Variants in NGF observed in about 807,000 individuals in gnomAD.
NGF encodes nerve growth factor, also known as beta-nerve growth factor.
In NGF, 4 loss-of-function variants were observed where a neutral mutation model predicts 12.8. The ratio of observed to expected loss-of-function variants is 0.31; its 90% confidence interval spans 0.15 to 0.72. The LOEUF (loss-of-function observed/expected upper bound fraction) is 0.72, where lower values mean the gene tolerates loss of function less well. NGF is among the 30% of genes least tolerant of loss of function. NGF has a pLI of 0.69. For missense variants in NGF, 283 were observed against 330.8 expected (o/e 0.86, Z 1.12); for synonymous variants, 140 against 130.0 (o/e 1.08, Z -0.52).
chr1:115,317,889 A>G (rs867969816), intron 1 of NGF, among the ~76,000 whole-genome samples: 22 of 152,240 alleles, frequency 1.4e-4, no homozygotes, highest in Non-Finnish European at 3.1e-4. Context: ...AAGTATTTCA[A>G]TGTTAATAAG....
chr1:115,331,123 T>A (rs1039595291), intron 1 of NGF, among the ~76,000 whole-genome samples: 2 of 152,210 alleles, frequency 1.3e-5, no homozygotes, highest in Admixed American at 1.3e-4. Context: ...GGCCTCAGCT[T>A]ACTGGGCATT....
chr1:115,325,114 A>C (rs1654737679), intron 1 of NGF, among the ~76,000 whole-genome samples: 1 of 152,200 alleles, frequency 6.6e-6, no homozygotes, highest in Non-Finnish European at 1.5e-5. Context: ...CAGACCTAAA[A>C]ATGTCGATCA....
chr1:115,330,584 C>T (rs1296808846), intron 1 of NGF, among the ~76,000 whole-genome samples: 3 of 152,138 alleles, frequency 2.0e-5, no homozygotes, highest in Non-Finnish European at 2.9e-5. Flanking sequence ...TACATCTCCA[C>T]CCTGGTTTGG....
chr1:115,312,970 A>G (rs1034343680), intron 1 of NGF, among the ~76,000 whole-genome samples: 6 of 152,212 alleles, frequency 3.9e-5, no homozygotes, highest in African/African-American at 1.4e-4. Flanking sequence ...AGGATTTGGT[A>G]ACATTTATTT....
At chr1:115,317,692 T>A (rs1190382355) in intron 1 of NGF, among the ~76,000 whole-genome samples, 1 of 152,150 alleles carries the variant, frequency 6.6e-6, no homozygotes, top group Non-Finnish European at 1.5e-5. Flanking sequence ...GCGGCCAAGC[T>A]ACAGTCAGGA....
intron 2 of NGF, among the ~76,000 whole-genome samples, chr1:115,291,375 A>G (rs1265794625): frequency 6.6e-6 from 1 of 152,074 alleles, no homozygotes. Flanking sequence ...AGTTTTATTT[A>G]TTTATTTTTT....
chr1:115,327,184 G>T (rs568397548), intron 1 of NGF, among the ~76,000 whole-genome samples: 6 of 152,134 alleles, frequency 3.9e-5, no homozygotes, highest in Admixed American at 2.6e-4. Flanking sequence ...GTTCATAGTC[G>T]TTTAAGAAGT....
chr1:115,332,505 C>T (rs1654949509), intron 1 of NGF, among the ~76,000 whole-genome samples: 1 of 131,538 alleles, frequency 7.6e-6, no homozygotes, highest in Non-Finnish European at 1.5e-5. Context: ...AGATGTTATC[C>T]TACCTGAAAT....
intron 1 of NGF, among the ~76,000 whole-genome samples, chr1:115,310,935 T>C (rs751740382): frequency 1.3e-5 from 2 of 152,022 alleles, no homozygotes; most frequent in Non-Finnish European, 1.5e-5. Flanking sequence ...ACCACAGATA[T>C]TTAATACATG....
chr1:115,321,576 ATGTGTGTG>A (rs59590858), intron 1 of NGF, among the ~76,000 whole-genome samples: 27,892 of 132,970 alleles, frequency 0.21, 2,973 homozygotes, highest in East Asian at 0.32. Flanking sequence ...TGTGTATGGG[ATGTGTGTG>A]TGTGTGTGTG....
intron 1 of NGF, among the ~76,000 whole-genome samples, chr1:115,318,480 G>T (rs1212664830): frequency 6.6e-6 from 1 of 152,164 alleles, no homozygotes; most frequent in African/African-American, 2.4e-5. Context: ...GTGCCGACAG[G>T]CCACAGCATA....
At chr1:115,337,770 T>TC (rs1341967764) in intron 1 of NGF, among the ~76,000 whole-genome samples, 2 of 151,872 alleles carry the variant, frequency 1.3e-5, no homozygotes, top group African/African-American at 2.4e-5. Flanking sequence ...CGCTCTGCGC[T>TC]CCCCCCGCGG....
intron 1 of NGF, among the ~76,000 whole-genome samples, chr1:115,329,541 A>T (rs1257117624): frequency 2.0e-5 from 3 of 152,162 alleles, no homozygotes; most frequent in African/African-American, 7.2e-5. Flanking sequence ...ATTTTCCATC[A>T]TGAGCCAGTT....
intron 1 of NGF, among the ~76,000 whole-genome samples, chr1:115,316,081 A>G (rs1348888929): frequency 2.6e-5 from 4 of 152,178 alleles, no homozygotes; most frequent in Non-Finnish European, 5.9e-5. Flanking sequence ...AGCGGGAGTC[A>G]ATGTCATTAT....
At chr1:115,294,348 T>C (rs1198207406) in intron 1 of NGF, among the ~76,000 whole-genome samples, 1 of 152,212 alleles carries the variant, frequency 6.6e-6, no homozygotes, top group Non-Finnish European at 1.5e-5. Flanking sequence ...GATACAATTT[T>C]AAAAAATCAA....
intron 1 of NGF, among the ~76,000 whole-genome samples, chr1:115,319,869 C>A (rs541718787): frequency 6.6e-6 from 1 of 152,302 alleles, no homozygotes; most frequent in South Asian, 2.1e-4. Flanking sequence ...GACTTGAGAT[C>A]TGCCTGGCCA....
chr1:115,337,256 GTTTTGT>G lies in NGF; in HGVS notation c.-137+942_-137+947del, dbSNP rs1242162738. Among the ~76,000 whole-genome samples the G allele has an allele frequency of 1.3e-3, 34 of 27,190 alleles. 1 individual carries two copies. Among genetic ancestry groups the G allele is most frequent in the African/African-American group, 3.8e-3 (23 of 5,992 alleles). The allele number at this position is 27,190 out of a possible 152,430, so 17.8% of individuals were successfully genotyped here. ...CCTTAAGAATCTCGAAATTTTTTTT[GTTTTGT>G]TTTTGTTTTTTTTTTTTTTTTTTTT... is the stretch of plus-strand genomic sequence containing the variant. On this transcript the variant is annotated intron_variant, in intron 1 of 2. Coordinates refer to ENST00000369512, the MANE Select transcript of NGF (RefSeq NM_002506.3).
chr1:115,310,549 G>A lies in NGF; in HGVS notation c.-136-16799C>T, dbSNP rs146456779. ...TGTGGGTAAGAAACATGGTCAACCC[G>A]TGAGCAGGCCCTATGTTTGGTCAAG... On this transcript the variant is annotated intron_variant, in intron 1 of 2. Transcript: ENST00000369512. 9.2e-3 allele frequency among the ~76,000 whole-genome samples: 1,394 copies of A among 152,246 alleles called. 8 individuals are homozygous for A. Among genetic ancestry groups the A allele is most frequent in the Non-Finnish European group, 0.015 (1,046 of 68,030 alleles).
At chr1:115,309,423 T>C (rs1654284732) in intron 1 of NGF, among the ~76,000 whole-genome samples, 1 of 152,228 alleles carries the variant, frequency 6.6e-6, no homozygotes, top group African/African-American at 2.4e-5. Flanking sequence ...AAACTATGAA[T>C]AGCTTTTAAA....
Sources: gnomAD v4.1 joint callset for allele counts (sites outside exome capture counted in the v4.1 genomes callset) on GRCh38, gnomAD v4.1.1 for gene constraint, MANE v1.5 for transcripts, NCBI Gene and HGNC (gene_info 2026-07-23, HGNC 2026-07-21) for gene names.